The following SHISA6 variants were observed in gnomAD, a reference collection of about 807,000 sequenced individuals.
The protein encoded by SHISA6 is shisa family member 6, also known as protein shisa-6.
In SHISA6, 22 loss-of-function variants were observed where a neutral mutation model predicts 47.9. That is an observed-to-expected ratio of 0.46 (90% CI 0.33 to 0.66). The LOEUF (loss-of-function observed/expected upper bound fraction) is 0.66. Ranked by LOEUF, SHISA6 falls within the 30% of genes least tolerant of loss-of-function variation. The probability of loss-of-function intolerance (pLI) is 0.02; values close to 1 mark genes in which losing one functional copy is unlikely to be tolerated. For missense variants in SHISA6, 680 were observed against 764.6 expected, an observed-to-expected ratio of 0.89 and a Z score of 1.30; for synonymous variants, 388 against 337.8, an observed-to-expected ratio of 1.15 and a Z score of -1.63.
chr17:11,378,635 G>A (rs1420395377), intron 2 of SHISA6, among the ~76,000 whole-genome samples: 5 of 152,080 alleles, frequency 3.3e-5, no homozygotes, highest in Non-Finnish European at 7.4e-5. Flanking sequence ...ACATTAACTC[G>A]GTTCTCTTTG....
intron 3 of SHISA6, among the ~76,000 whole-genome samples, chr17:11,409,628 A>AGGG (rs766546694): frequency 6.7e-6 from 1 of 148,826 alleles, no homozygotes; most frequent in Non-Finnish European, 1.5e-5. Context: ...TGCTTGAACC[A>AGGG]GGGAGATGGA....
chr17:11,415,877 G>T (rs999351453), intron 3 of SHISA6, among the ~76,000 whole-genome samples: 1 of 152,156 alleles, frequency 6.6e-6, no homozygotes, highest in Non-Finnish European at 1.5e-5. Flanking sequence ...CCGTAGACTT[G>T]ATGGCTTAAA....
At chr17:11,345,847 G>A (rs1028641640) in intron 2 of SHISA6, among the ~76,000 whole-genome samples, 2 of 152,064 alleles carry the variant, frequency 1.3e-5, no homozygotes, top group Non-Finnish European at 2.9e-5. Context: ...ACTAGTTCTA[G>A]TAGGTTCTTT....
chr17:11,351,425 TC>T (rs1048856840), intron 2 of SHISA6, among the ~76,000 whole-genome samples: 1 of 152,224 alleles, frequency 6.6e-6, no homozygotes, highest in African/African-American at 2.4e-5. Context: ...TACATGCTTT[TC>T]CATTTTCCTT....
chr17:11,339,309 C>T (rs1255013977), intron 2 of SHISA6, among the ~76,000 whole-genome samples: 2 of 152,044 alleles, frequency 1.3e-5, no homozygotes, highest in East Asian at 1.9e-4. Flanking sequence ...AGTATACACA[C>T]CCTGGTCAAA....
intron 3 of SHISA6, among the ~76,000 whole-genome samples, chr17:11,537,842 G>T (rs1409769979): frequency 6.6e-6 from 1 of 152,202 alleles, no homozygotes; most frequent in African/African-American, 2.4e-5. Context: ...AACATTCAAT[G>T]TATAAATAGT....
At chr17:11,388,038 A>G (rs929345486) in intron 3 of SHISA6, among the ~76,000 whole-genome samples, 1 of 152,094 alleles carries the variant, frequency 6.6e-6, no homozygotes, top group Non-Finnish European at 1.5e-5. Context: ...GCCTCTGTAA[A>G]GTCACAGGCT....
intron 3 of SHISA6, among the ~76,000 whole-genome samples, chr17:11,501,331 C>T (rs890585834): frequency 1.3e-5 from 2 of 152,120 alleles, no homozygotes; most frequent in East Asian, 1.9e-4. Context: ...AGGCTGGTCA[C>T]GAACTCCTGA....
chr17:11,273,658 A>G lies in SHISA6; in HGVS notation c.799+10132A>G, dbSNP rs140306342. ...CCCTGGGCTAGGAGCCTTCATTATCATAGTCCTCGTGTAGGCAGTGTCCCC... is the reference window on the plus strand; with the variant it reads ...CCCTGGGCTAGGAGCCTTCATTATCGTAGTCCTCGTGTAGGCAGTGTCCCC... On this transcript the variant is annotated intron_variant, in intron 2 of 5. Coordinates refer to ENST00000441885, the MANE Select transcript of SHISA6 (RefSeq NM_207386.4). 7.9e-5 allele frequency among the ~76,000 whole-genome samples: 12 copies of G among 152,288 alleles called. No individual in the cohort carries two copies. The East Asian group carries it at 2.3e-3, about 30-fold the overall frequency.
chr17:11,526,214 A>T, intron 3 of SHISA6, among the ~76,000 whole-genome samples: 1 of 151,850 alleles, frequency 6.6e-6, no homozygotes, highest in East Asian at 1.9e-4. Context: ...TCTGGATATC[A>T]TTTCTTTCAG....
intron 2 of SHISA6, among the ~76,000 whole-genome samples, chr17:11,367,213 A>G (rs1253752350): frequency 6.6e-6 from 1 of 152,220 alleles, no homozygotes; most frequent in Non-Finnish European, 1.5e-5. Flanking sequence ...GAGAAGTTTC[A>G]GTATGAATGA....
rs1407376074 is a variant in SHISA6, at chr17:11,563,164, G to C, written c.*4860G>C. 2.6e-5 allele frequency: 4 copies of C among 152,218 alleles called. No individual in the cohort carries two copies. The highest frequency in any genetic ancestry group is 5.9e-5 in the Non-Finnish European group (4 of 68,070). 9.4% of individuals were successfully genotyped at this position (152,218 alleles called of 1,614,324 possible). A position where few individuals can be genotyped will look rare whatever the true frequency, so the allele number is the denominator to read the frequency against. ...ATAAGGGCATGAAGTTTGTACTTGA[G>C]GGCAGCTGGGAAATTCATTTCAAGC... On this transcript the variant is annotated 3_prime_UTR_variant, in exon 6 of 6. Coordinates refer to ENST00000441885, the MANE Select transcript of SHISA6 (RefSeq NM_207386.4).
At position 11,424,860 on chromosome 17, in the gene SHISA6, G is replaced by A. The variant is rs139752317; in HGVS notation, c.895+45351G>A. Among the ~76,000 whole-genome samples the A allele has an allele frequency of 2.9e-3, 442 of 151,800 alleles. 8 individuals are homozygous for A. The highest frequency in any genetic ancestry group is 0.025 in the Admixed American group (380 of 15,242). On this transcript the variant is annotated intron_variant, in intron 3 of 5. Transcript: ENST00000441885. ...CTACTAAAAATACAAAATATTAGCC[G>A]GGCATGGGCGTGGTGGCGGGTGCCT... is the stretch of plus-strand genomic sequence containing the variant.
At chr17:11,323,956 C>G (rs1425488114) in intron 2 of SHISA6, among the ~76,000 whole-genome samples, 1 of 151,976 alleles carries the variant, frequency 6.6e-6, no homozygotes, top group Admixed American at 6.6e-5. Context: ...AATCTGGATC[C>G]CAGATCTCAA....
chr17:11,285,626 C>G (rs1909268075), intron 2 of SHISA6, among the ~76,000 whole-genome samples: 1 of 152,190 alleles, frequency 6.6e-6, no homozygotes, highest in Admixed American at 6.5e-5. Flanking sequence ...GGACAGGAAT[C>G]AATTTCCCTT....
At chr17:11,483,275 T>A (rs1250826041) in intron 3 of SHISA6, among the ~76,000 whole-genome samples, 1 of 149,052 alleles carries the variant, frequency 6.7e-6, no homozygotes, top group Non-Finnish European at 1.5e-5. Context: ...CACTCCAGCC[T>A]GGGCAACAAG....
intron 2 of SHISA6, among the ~76,000 whole-genome samples, chr17:11,371,525 A>G (rs1468866368): frequency 6.6e-6 from 1 of 152,200 alleles, no homozygotes; most frequent in East Asian, 1.9e-4. Context: ...TGTGCAGAGT[A>G]TTAGACGAAG....
intron 3 of SHISA6, among the ~76,000 whole-genome samples, chr17:11,438,542 G>C (rs546260625): frequency 9.4e-4 from 143 of 152,208 alleles, no homozygotes; most frequent in African/African-American, 3.2e-3. Context: ...GTTTGTGCTG[G>C]GAGGCAGATA....
chr17:11,314,831 C>T (rs1353646256), intron 2 of SHISA6, among the ~76,000 whole-genome samples: 1 of 152,154 alleles, frequency 6.6e-6, no homozygotes, highest in African/African-American at 2.4e-5. Flanking sequence ...TGAGCCACTG[C>T]ACCTGGCCCA....
Sources: allele counts gnomAD v4.1 joint callset (sites outside exome capture counted in the v4.1 genomes callset), GRCh38; gene constraint gnomAD v4.1.1; transcripts MANE v1.5; gene names NCBI Gene and HGNC (gene_info 2026-07-23, HGNC 2026-07-21).